KANK1: variants seen among roughly 807,000 people sequenced by gnomAD.
KANK1 encodes KN motif and ankyrin repeat domains 1.
Under a neutral mutation model 106.2 loss-of-function variants are expected in KANK1, and 109 were observed. The ratio of observed to expected loss-of-function variants is 1.03; its 90% CI spans 0.88 to 1.20. The LOEUF is 1.20. Ranked by LOEUF, KANK1 falls within the 50% of genes most tolerant of loss-of-function variation. The pLI, the probability that KANK1 is intolerant of heterozygous loss-of-function variation, is 0.00. For missense variants in KANK1, 2,399 were observed against 1,710.7 expected (o/e 1.40, Z -7.10); for synonymous variants, 873 against 652.2 (o/e 1.34, Z -5.16).
chr9:472,090 G>A (rs945648640), intron 2 of KANK1, among the ~76,000 whole-genome samples: 6 of 152,096 alleles, frequency 3.9e-5, no homozygotes, highest in Non-Finnish European at 7.3e-5. Flanking sequence ...ATAATTATTG[G>A]TGCTTCATAA....
At chr9:569,921 A>G (rs918230762) in intron 1 of KANK1, among the ~76,000 whole-genome samples, 10 of 152,116 alleles carry the variant, frequency 6.6e-5, no homozygotes, top group Admixed American at 2.0e-4. Context: ...AGATTCCGTA[A>G]CACTTGATAC....
chr9:696,329 T>C (rs1821299695), intron 2 of KANK1, among the ~76,000 whole-genome samples: 1 of 151,344 alleles, frequency 6.6e-6, no homozygotes, highest in African/African-American at 2.4e-5. Flanking sequence ...CCTAGACACT[T>C]AGAGTCTGGT....
chr9:493,173 G>T (rs1433846671), intron 3 of KANK1, among the ~76,000 whole-genome samples: 1 of 152,128 alleles, frequency 6.6e-6, no homozygotes, highest in Non-Finnish European at 1.5e-5. Context: ...AGAAGTGATG[G>T]TATGTCACTT....
chr9:709,722 TCTC>T (rs568085399), intron 2 of KANK1, among the ~76,000 whole-genome samples: 72 of 151,900 alleles, frequency 4.7e-4, no homozygotes, highest in African/African-American at 1.6e-3. Flanking sequence ...TTCAAGCAAT[TCTC>T]CTGCCTCAGC....
intron 3 of KANK1, among the ~76,000 whole-genome samples, chr9:727,347 G>A (rs377265354): frequency 4.6e-5 from 7 of 150,920 alleles, no homozygotes; most frequent in Admixed American, 6.6e-5. Context: ...TTAGAGTCTC[G>A]CTCTGCCGCC....
chr9:617,285 A>G (rs890876532), intron 1 of KANK1, among the ~76,000 whole-genome samples: 1 of 152,154 alleles, frequency 6.6e-6, no homozygotes, highest in African/African-American at 2.4e-5. Flanking sequence ...TTCCTTGTTT[A>G]ACATTTATTT....
At chr9:537,441 A>C (rs1273250263) in intron 1 of KANK1, among the ~76,000 whole-genome samples, 1 of 152,210 alleles carries the variant, frequency 6.6e-6, no homozygotes, top group Non-Finnish European at 1.5e-5. Context: ...TTAATTTTTC[A>C]ACAAGCCACA....
At chr9:548,199 T>C (rs541859527) in intron 1 of KANK1, among the ~76,000 whole-genome samples, 1 of 152,218 alleles carries the variant, frequency 6.6e-6, no homozygotes, top group South Asian at 2.1e-4. Context: ...AGATAATTCT[T>C]AAACCTTAGT....
chr9:601,946 C>T (rs984042505), intron 1 of KANK1, among the ~76,000 whole-genome samples: 1 of 151,804 alleles, frequency 6.6e-6, no homozygotes, highest in Admixed American at 6.6e-5. Flanking sequence ...GGCTTTTTGT[C>T]TTCCATGAGT....
chr9:505,009 G>A lies in KANK1; in HGVS notation c.-84+255G>A, dbSNP rs2058679312. Among the ~76,000 whole-genome samples, 3 of 151,730 alleles carry A rather than the reference G, an allele frequency of 2.0e-5. No homozygotes were observed. In the South Asian group the frequency reaches 6.2e-4, roughly 31 times the overall value. ...TCGGCCCCGCGGCCGTCGGAGTTTGGCGCGCTCTGCAGCGGCGGCGCTCGG... is the reference window on the plus strand; with the variant it reads ...TCGGCCCCGCGGCCGTCGGAGTTTGACGCGCTCTGCAGCGGCGGCGCTCGG... On this transcript the variant is annotated intron_variant, in intron 1 of 11. Coordinates refer to ENST00000382297, the MANE Select transcript of KANK1 (RefSeq NM_015158.5).
At chr9:585,644 G>C (rs1344303091) in intron 1 of KANK1, among the ~76,000 whole-genome samples, 10 of 152,180 alleles carry the variant, frequency 6.6e-5, no homozygotes, top group Non-Finnish European at 1.5e-5. Flanking sequence ...GCTAATCTTG[G>C]TGAACATGGA....
intron 1 of KANK1, among the ~76,000 whole-genome samples, chr9:633,107 C>T (rs1836168730): frequency 6.6e-6 from 1 of 152,132 alleles, no homozygotes; most frequent in African/African-American, 2.4e-5. Flanking sequence ...TCTACACTCA[C>T]TTTTAGTGCC....
In KANK1 at chr9:732,519, G is replaced by C; in HGVS notation, c.3147G>C (p.Gly1049=). ...AAGACACTCGGGGAATGGCAGAAGGGCACCATGCAGTTAATATTGAAGGTT... is the reference window on the plus strand; with the variant it reads ...AAGACACTCGGGGAATGGCAGAAGGCCACCATGCAGTTAATATTGAAGGTT... The part of the protein sequence containing the change: ...EDEDTRGMAE[G]HHAVNIEGLK... Residue 1049 remains glycine (G), a synonymous_variant, in exon 6 of 12, where the codon GGG becomes GGC. Transcript: ENST00000382297. 1 of 1,614,152 alleles carries C rather than the reference G, an allele frequency of 6.2e-7. No individual in the cohort carries two copies. Among genetic ancestry groups the C allele is most frequent in the Non-Finnish European group, 8.5e-7 (1 of 1,180,022 alleles).
intron 1 of KANK1, among the ~76,000 whole-genome samples, chr9:592,871 G>T (rs1015402138): frequency 1.3e-5 from 2 of 151,572 alleles, no homozygotes; most frequent in Admixed American, 6.6e-5. Flanking sequence ...TCTCTCCTTG[G>T]GTAGTCCTTT....
chr9:675,067 T>C (rs1344766383), intron 1 of KANK1, among the ~76,000 whole-genome samples: 1 of 152,124 alleles, frequency 6.6e-6, no homozygotes, highest in African/African-American at 2.4e-5. Context: ...AAATCCATGA[T>C]TTCATCACCC....
intron 3 of KANK1, among the ~76,000 whole-genome samples, chr9:717,883 C>T (rs983064528): frequency 6.6e-6 from 1 of 152,158 alleles, no homozygotes; most frequent in Non-Finnish European, 1.5e-5. Context: ...TGGAATTTAA[C>T]TGCCTGCCCC....
chr9:643,417 T>G (rs1838916212), intron 1 of KANK1, among the ~76,000 whole-genome samples: 1 of 150,888 alleles, frequency 6.6e-6, no homozygotes, highest in South Asian at 2.1e-4. Flanking sequence ...TGCAGTACTT[T>G]TTGTTGTTGT....
At chr9:656,289 G>C (rs115937862) in intron 1 of KANK1, among the ~76,000 whole-genome samples, 1 of 152,270 alleles carries the variant, frequency 6.6e-6, no homozygotes, top group African/African-American at 2.4e-5. Context: ...CAAGACCTTC[G>C]CGTGAGGAGG....
Position 516,276 on chromosome 9 carries a change from C to G in KANK1, c.-84+11522C>G, listed in dbSNP as rs1341308313. Among the ~76,000 whole-genome samples the G allele has an allele frequency of 2.6e-5, 4 of 151,438 alleles. No individual in the cohort carries two copies. In the East Asian group the frequency reaches 7.7e-4, roughly 29 times the overall value. On this transcript the variant is annotated intron_variant, in intron 1 of 11. Coordinates refer to ENST00000382297, the MANE Select transcript of KANK1 (RefSeq NM_015158.5). Reference sequence around the variant, plus strand: ...CTCCAGAGACACCAAACTTTTAACTCCTTTTGGAGTTATACTTCAGGAGTA... The same window carrying G: ...CTCCAGAGACACCAAACTTTTAACTGCTTTTGGAGTTATACTTCAGGAGTA...
Sources: allele counts gnomAD v4.1 joint callset (sites outside exome capture counted in the v4.1 genomes callset), GRCh38; gene constraint gnomAD v4.1.1; transcripts MANE v1.5; gene names NCBI Gene and HGNC (gene_info 2026-07-23, HGNC 2026-07-21).